CPQ: variants seen among roughly 807,000 people sequenced by gnomAD.
CPQ encodes the protein Ser-Met dipeptidase.
Under a neutral mutation model 45.7 loss-of-function variants are expected in CPQ, and 37 were observed. The ratio of observed to expected loss-of-function variants is 0.81; its 90% CI spans 0.62 to 1.07. The LOEUF (loss-of-function observed/expected upper bound fraction) is 1.07, where lower values mean the gene tolerates loss of function less well. Ranked by LOEUF, CPQ falls within the 50% of genes least tolerant of loss-of-function variation. The pLI, the probability that CPQ is intolerant of heterozygous loss-of-function variation, is 0.00. For missense variants in CPQ, 537 were observed against 572.9 expected, an observed-to-expected ratio of 0.94 and a Z score of 0.64; for synonymous variants, 186 against 205.8, an observed-to-expected ratio of 0.90 and a Z score of 0.82.
chr8:97,119,730 A>G (rs1248264823), intron 7 of CPQ, among the ~76,000 whole-genome samples: 1 of 152,186 alleles, frequency 6.6e-6, no homozygotes, highest in Non-Finnish European at 1.5e-5. Context: ...ATCAAAAGCT[A>G]AGATACTGCA....
chr8:96,884,410 A>C (rs1330698477), intron 4 of CPQ, among the ~76,000 whole-genome samples: 1 of 152,076 alleles, frequency 6.6e-6, no homozygotes, highest in Non-Finnish European at 1.5e-5. Flanking sequence ...AAAACATTTG[A>C]TCTCAACATG....
chr8:97,047,026 A>T, intron 6 of CPQ, among the ~76,000 whole-genome samples: 1 of 152,208 alleles, frequency 6.6e-6, no homozygotes, highest in East Asian at 1.9e-4. Flanking sequence ...ACCACCAAGA[A>T]TTTTGAAAGG....
At chr8:96,721,137 C>T (rs1586372867) in intron 1 of CPQ, among the ~76,000 whole-genome samples, 1 of 152,078 alleles carries the variant, frequency 6.6e-6, no homozygotes, top group African/African-American at 2.4e-5. Flanking sequence ...GGCTCCTACA[C>T]GGACTTTGAG....
chr8:96,761,946 T>C (rs189229822), intron 1 of CPQ, among the ~76,000 whole-genome samples: 113 of 152,300 alleles, frequency 7.4e-4, no homozygotes, highest in African/African-American at 2.7e-3. Flanking sequence ...GCCTTCAAAT[T>C]AATAGAATTC....
intron 1 of CPQ, among the ~76,000 whole-genome samples, chr8:96,737,597 A>C (rs1486186797): frequency 1.3e-5 from 2 of 151,980 alleles, no homozygotes; most frequent in Non-Finnish European, 2.9e-5. Flanking sequence ...AGCTCATTAG[A>C]TAGTGCCCAC....
chr8:97,028,119 A>C (rs1809832683), intron 5 of CPQ, among the ~76,000 whole-genome samples: 1 of 152,242 alleles, frequency 6.6e-6, no homozygotes, highest in African/African-American at 2.4e-5. Flanking sequence ...TTTAACTGCA[A>C]CTATGGTCAG....
At chr8:97,036,978 T>C (rs1190518338) in intron 6 of CPQ, among the ~76,000 whole-genome samples, 1 of 152,212 alleles carries the variant, frequency 6.6e-6, no homozygotes, top group Non-Finnish European at 1.5e-5. Flanking sequence ...AGGGATGGGA[T>C]GTATGGTCAT....
chr8:97,095,572 A>G, intron 7 of CPQ, among the ~76,000 whole-genome samples: 1 of 152,200 alleles, frequency 6.6e-6, no homozygotes, highest in Non-Finnish European at 1.5e-5. Context: ...ATAAAGGCCT[A>G]CATGACTTGA....
intron 5 of CPQ, among the ~76,000 whole-genome samples, chr8:96,998,752 T>C (rs925149726): frequency 2.6e-5 from 4 of 152,114 alleles, no homozygotes; most frequent in Middle Eastern, 3.4e-3. Flanking sequence ...CATTCTGTTG[T>C]GATAACACTT....
intron 5 of CPQ, among the ~76,000 whole-genome samples, chr8:97,011,444 C>CT (rs1256479222): frequency 1.3e-5 from 2 of 152,186 alleles, no homozygotes; most frequent in African/African-American, 4.8e-5. Context: ...ATTATATTCT[C>CT]TAAGTTGAGA....
At chr8:96,821,126 A>ATTTTTTTTTTTTTTTT (rs572906188) in intron 2 of CPQ, among the ~76,000 whole-genome samples, 10 of 60,938 alleles carry the variant, frequency 1.6e-4, no homozygotes, top group Admixed American at 1.9e-4. Context: ...TTTAATCTGA[A>ATTTTTTTTTTTTTTTT]TTTTTTTTTT....
chr8:97,083,363 A>C (rs1810987173), intron 7 of CPQ, among the ~76,000 whole-genome samples: 1 of 152,182 alleles, frequency 6.6e-6, no homozygotes, highest in Admixed American at 6.5e-5. Flanking sequence ...AAGAGGCACA[A>C]GTACTATTGG....
rs1050421137 is a variant in CPQ at position 97,025,453 on chromosome 8, A to G, written c.962-3950A>G. The stretch of plus-strand genomic sequence containing the variant: ...GGTCAAGGCGTCTCTGGCAACTTCT[A>G]TATATTTATAGGAGAACCGACTGCC... On this transcript the variant is annotated intron_variant, in intron 5 of 7. Coordinates refer to ENST00000220763, the MANE Select transcript of CPQ (RefSeq NM_016134.4). Among the ~76,000 whole-genome samples, 5 of 152,282 alleles carry G rather than the reference A, an allele frequency of 3.3e-5. No homozygotes were observed. The East Asian group carries it at 7.7e-4, about 24-fold the overall frequency.
intron 6 of CPQ, among the ~76,000 whole-genome samples, chr8:97,043,920 T>G (rs1810182463): frequency 6.6e-6 from 1 of 152,356 alleles, no homozygotes; most frequent in South Asian, 2.1e-4. Flanking sequence ...CTTAACATTT[T>G]TTCCTTCATT....
At chr8:96,852,341 CA>C (rs1030125018) in intron 3 of CPQ, among the ~76,000 whole-genome samples, 3 of 151,506 alleles carry the variant, frequency 2.0e-5, no homozygotes, top group Non-Finnish European at 4.4e-5. Flanking sequence ...GACACACACA[CA>C]AAAAAAAAGA....
chr8:97,047,041 A>G (rs1417632637), intron 6 of CPQ, among the ~76,000 whole-genome samples: 10 of 152,162 alleles, frequency 6.6e-5, no homozygotes, highest in Admixed American at 3.3e-4. Flanking sequence ...GAAAGGTCCC[A>G]TTTCCCAAAC....
At chr8:96,964,954 T>A (rs1813530293) in intron 4 of CPQ, among the ~76,000 whole-genome samples, 1 of 152,194 alleles carries the variant, frequency 6.6e-6, no homozygotes, top group Non-Finnish European at 1.5e-5. Context: ...TTGAAATGTG[T>A]CCACAAAATT....
chr8:96,786,848 T>A (rs575297196), intron 2 of CPQ, among the ~76,000 whole-genome samples: 1 of 152,316 alleles, frequency 6.6e-6, no homozygotes, highest in Non-Finnish European at 1.5e-5. Context: ...TCCAAATTCA[T>A]TGCCCAGTTT....
chr8:97,039,834 A>G, intron 6 of CPQ, among the ~76,000 whole-genome samples: 1 of 152,082 alleles, frequency 6.6e-6, no homozygotes, highest in Non-Finnish European at 1.5e-5. Flanking sequence ...ATGGCTGCAT[A>G]GTATTCCATG....
Sources: allele counts gnomAD v4.1 joint callset (sites outside exome capture counted in the v4.1 genomes callset), GRCh38; gene constraint gnomAD v4.1.1; transcripts MANE v1.5; gene names NCBI Gene and HGNC (gene_info 2026-07-23, HGNC 2026-07-21).